FBXL18: variants seen among roughly 807,000 people sequenced by gnomAD.
FBXL18 encodes the protein F-box/LRR-repeat protein 18.
Under a neutral mutation model 46.0 loss-of-function variants are expected in FBXL18, and 36 were observed. That is an observed-to-expected ratio of 0.78 (90% CI 0.60 to 1.03). The LOEUF is 1.03. FBXL18 is among the 50% of genes least tolerant of loss of function. The pLI, the probability that FBXL18 is intolerant of heterozygous loss-of-function variation, is 0.00. For synonymous variants in FBXL18, 557 were observed against 465.3 expected, an observed-to-expected ratio of 1.20 and a Z score of -2.54; for missense variants, 977 against 1,004.1, an observed-to-expected ratio of 0.97 and a Z score of 0.36.
At chr7:5,499,736 A>G (rs1784180153) in intron 3 of FBXL18, among the ~76,000 whole-genome samples, 1 of 149,412 alleles carries the variant, frequency 6.7e-6, no homozygotes, top group Admixed American at 6.7e-5. Context: ...TGTCTCAAAA[A>G]AAAAAAAAGA....
At chr7:5,471,806 G>A (rs901357620), downstream of FBXL18, among the ~76,000 whole-genome samples, 3 of 152,184 alleles carry the variant, frequency 2.0e-5, no homozygotes, top group African/African-American at 4.8e-5. Flanking sequence ...CTGGCGTAGT[G>A]CCCCCCACAA....
intron 4 of FBXL18, among the ~76,000 whole-genome samples, chr7:5,483,083 C>CA (rs2128234112): frequency 6.6e-6 from 1 of 151,176 alleles, no homozygotes; most frequent in African/African-American, 2.4e-5. Flanking sequence ...ACAAAGACGA[C>CA]CCAAGTGCCA....
At position 5,479,038 on chromosome 7, in the gene FBXL18, T is replaced by C. The variant is rs370686877; in HGVS notation, c.*2737A>G. ...ACTAACGCTGGTGCCAAAATAGCAC[T>C]TAGAGAAAATAAGCACGTTATTAAC... On this transcript the variant is annotated 3_prime_UTR_variant, in exon 5 of 5. Coordinates refer to ENST00000382368, the MANE Select transcript of FBXL18 (RefSeq NM_024963.6). 5.9e-5 allele frequency: 9 copies of C among 152,062 alleles called. No individual in the cohort carries two copies. The highest frequency in any genetic ancestry group is 1.7e-4 in the African/African-American group (7 of 41,400). The allele number at this position is 152,062 out of a possible 1,614,324, so 9.4% of individuals were successfully genotyped here.
downstream of FBXL18, among the ~76,000 whole-genome samples, chr7:5,471,819 CAG>C (rs1363220251): frequency 3.9e-5 from 6 of 152,206 alleles, no homozygotes. Flanking sequence ...CCCCACAAAA[CAG>C]GGGCATCATG....
rs184202395 is a variant in FBXL18, at chr7:5,478,565, C to G, written c.*3210G>C. 1 of 152,552 alleles carries G rather than the reference C, an allele frequency of 6.6e-6. No individual in the cohort carries two copies. Among genetic ancestry groups the G allele is most frequent in the African/African-American group, 2.4e-5 (1 of 41,554 alleles). The allele number at this position is 152,552 out of a possible 1,614,324, so 9.4% of individuals were successfully genotyped here. On this transcript the variant is annotated 3_prime_UTR_variant, in exon 5 of 5. Coordinates refer to ENST00000382368, the MANE Select transcript of FBXL18 (RefSeq NM_024963.6). ...GTGTGGGGTGAGCTGGGAGCACAGGCAGGAGGGGGCAGCCAGAGAGGTTGG... is the reference window on the plus strand; with the variant it reads ...GTGTGGGGTGAGCTGGGAGCACAGGGAGGAGGGGGCAGCCAGAGAGGTTGG...
intron 4 of FBXL18, among the ~76,000 whole-genome samples, chr7:5,467,982 CTTT>C (rs545171582): frequency 2.9e-5 from 4 of 139,790 alleles, no homozygotes; most frequent in Non-Finnish European, 1.6e-5. Context: ...CAGCCTCGAA[CTTT>C]TTTTTTTTTT....
intron 4 of FBXL18, among the ~76,000 whole-genome samples, chr7:5,456,012 G>A (rs1425509295): frequency 4.6e-5 from 7 of 151,956 alleles, no homozygotes; most frequent in Non-Finnish European, 5.9e-5. Context: ...CCAAGAACCC[G>A]TTTGCCCTCC....
At chr7:5,484,285 G>A (rs539456568) in intron 4 of FBXL18, among the ~76,000 whole-genome samples, 39 of 152,122 alleles carry the variant, frequency 2.6e-4, no homozygotes, top group African/African-American at 8.9e-4. Flanking sequence ...GGCTAACACG[G>A]TGAAACCCCG....
intron 3 of FBXL18, among the ~76,000 whole-genome samples, chr7:5,497,541 G>A (rs531628838): frequency 5.9e-5 from 9 of 152,354 alleles, no homozygotes; most frequent in Admixed American, 5.9e-4. Context: ...AGGAGGTCGA[G>A]AGGGAGGGTG....
intron 4 of FBXL18, among the ~76,000 whole-genome samples, chr7:5,468,173 C>CGGG (rs542613521): frequency 2.0e-5 from 3 of 152,042 alleles, no homozygotes; most frequent in Non-Finnish European, 4.4e-5. Context: ...TTAGTAGAGA[C>CGGG]GGGGTTTCAC....
chr7:5,505,072 C>T (rs978367408), intron 2 of FBXL18, among the ~76,000 whole-genome samples: 2 of 151,660 alleles, frequency 1.3e-5, no homozygotes, highest in Non-Finnish European at 2.9e-5. Context: ...ACTGGAGAGC[C>T]ACATATTTAA....
intron 1 of FBXL18, among the ~76,000 whole-genome samples, chr7:5,510,559 A>G (rs181411804): frequency 8.0e-4 from 122 of 151,700 alleles, no homozygotes; most frequent in African/African-American, 2.9e-3. Context: ...GCACGTGCCT[A>G]TAGTCAGTCC....
downstream of FBXL18, among the ~76,000 whole-genome samples, chr7:5,475,331 T>C (rs1022269991): frequency 6.6e-6 from 1 of 151,926 alleles, no homozygotes; most frequent in Admixed American, 6.6e-5. The surrounding 1 kb of genome is among the most constrained non-coding windows in gnomAD (Gnocchi z 4.2). Flanking sequence ...CAAAAAATAA[T>C]AATAAAATAA....
chr7:5,476,051 C>T lies in FBXL18; in HGVS notation c.*5724G>A, dbSNP rs1489743995. ...GACCCCCAGGTCCAGGGAAAGGTCT[C>T]CCCTTAAAACCACGTGGAGCTCTGC... On this transcript the variant is annotated 3_prime_UTR_variant, in exon 5 of 5. Coordinates refer to ENST00000382368, the MANE Select transcript of FBXL18 (RefSeq NM_024963.6). The T allele has an allele frequency of 6.6e-6, 1 of 152,200 alleles. No individual in the cohort carries two copies. Among genetic ancestry groups the T allele is most frequent in the African/African-American group, 2.4e-5 (1 of 41,440 alleles). The allele number at this position is 152,200 out of a possible 1,614,324, so 9.4% of individuals were successfully genotyped here. A position where few individuals can be genotyped will look rare whatever the true frequency, so the allele number is the denominator to read the frequency against.
intron 4 of FBXL18, among the ~76,000 whole-genome samples, chr7:5,469,812 C>A (rs1187815415): frequency 6.6e-6 from 1 of 151,298 alleles, no homozygotes; most frequent in African/African-American, 2.4e-5. Context: ...GTGAGCACTG[C>A]TGGAACTGTG....
Position 5,496,117 on chromosome 7 carries a change from C to T in FBXL18, c.1781+4371G>A, listed in dbSNP as rs1282982263. On this transcript the variant is annotated intron_variant, in intron 3 of 4. Coordinates refer to ENST00000382368, the MANE Select transcript of FBXL18 (RefSeq NM_024963.6). This position sits in a 1 kb window ranked among gnomAD's most constrained non-coding sequence, Gnocchi z 4.8. ...TGAAATCACGCTGACCTCGGGAGGC[C>T]GGAGACAAGCAGCCATGTGACCTAG... 6.6e-6 allele frequency among the ~76,000 whole-genome samples: 1 copy of T among 152,172 alleles called. No individual in the cohort carries two copies. The highest frequency in any genetic ancestry group is 1.5e-5 in the Non-Finnish European group (1 of 68,030).
intron 3 of FBXL18, among the ~76,000 whole-genome samples, chr7:5,493,260 A>G (rs1783977036): frequency 6.6e-6 from 1 of 152,112 alleles, no homozygotes; most frequent in African/African-American, 2.4e-5. Context: ...GCTTGAGCCC[A>G]GGACTTCGAG....
intron 1 of FBXL18, among the ~76,000 whole-genome samples, chr7:5,512,311 A>G (rs1265325873): frequency 1.3e-5 from 2 of 148,988 alleles, no homozygotes; most frequent in Non-Finnish European, 3.0e-5. Context: ...AAAAAAAAAA[A>G]AAAAAAAAAA....
rs1219336284 is a variant in FBXL18 at position 5,480,995 on chromosome 7, G to T, written c.*780C>A. 2.0e-5 allele frequency: 3 copies of T among 147,014 alleles called. No individual in the cohort carries two copies. The highest frequency in any genetic ancestry group is 7.4e-5 in the African/African-American group (3 of 40,614). The allele number at this position is 147,014 out of a possible 1,614,324, so 9.1% of individuals were successfully genotyped here. ...AGCCGAATGTGTATCGATTTCCCCA[G>T]GAACGCGCATGGACCTTCCCAGGGA... On this transcript the variant is annotated 3_prime_UTR_variant, in exon 5 of 5. Transcript: ENST00000382368.
Sources: allele counts gnomAD v4.1 joint callset (sites outside exome capture counted in the v4.1 genomes callset), GRCh38; gene constraint gnomAD v4.1.1; non-coding constraint Gnocchi (gnomAD v3.1); transcripts MANE v1.5; gene names NCBI Gene and HGNC (gene_info 2026-07-23, HGNC 2026-07-21).